The following ADGRV1 variants were observed in gnomAD, a reference collection of about 807,000 sequenced individuals.
ADGRV1 encodes the protein adhesion G protein-coupled receptor V1, also known as G-protein coupled receptor 98.
In ADGRV1, 359 loss-of-function variants were observed where a neutral mutation model predicts 596.2. The observed-to-expected ratio is 0.60, with a 90% CI of 0.55 to 0.66. The LOEUF is 0.66. Ranked by LOEUF, ADGRV1 falls within the 30% of genes least tolerant of loss-of-function variation. The pLI is 0.00. For missense variants in ADGRV1, 7,274 were observed against 7,575.6 expected (o/e 0.96, Z 1.48); for synonymous variants, 2,681 against 2,679.2 (o/e 1.00, Z -0.02).
chr5:90,769,501 A>G (rs971043310), intron 59 of ADGRV1, among the ~76,000 whole-genome samples: 1 of 152,204 alleles, frequency 6.6e-6, no homozygotes, highest in African/African-American at 2.4e-5. Context: ...CTATGCCAAT[A>G]CTTTGAGAGA....
intron 21 of ADGRV1, among the ~76,000 whole-genome samples, chr5:90,668,261 G>C: frequency 6.6e-6 from 1 of 152,132 alleles, no homozygotes. Context: ...CAATCAGCGA[G>C]ACTCCATGGG....
chr5:90,659,812 C>A (rs1403597522), intron 21 of ADGRV1, among the ~76,000 whole-genome samples: 1 of 152,148 alleles, frequency 6.6e-6, no homozygotes. Flanking sequence ...GCGGGCGGAT[C>A]ATGAGGTCAG....
At chr5:90,793,510 A>G (rs1449031462) in intron 70 of ADGRV1, among the ~76,000 whole-genome samples, 1 of 152,222 alleles carries the variant, frequency 6.6e-6, no homozygotes, top group East Asian at 1.9e-4. Flanking sequence ...TGTATAGTAC[A>G]AAATTGCTCT....
chr5:90,879,811 G>A (rs1462977392), intron 83 of ADGRV1, among the ~76,000 whole-genome samples: 1 of 152,022 alleles, frequency 6.6e-6, no homozygotes, highest in African/African-American at 2.4e-5. Flanking sequence ...GCTGGGTATG[G>A]TGGTGCACGC....
intron 89 of ADGRV1, among the ~76,000 whole-genome samples, chr5:91,159,227 T>G (rs1796737904): frequency 6.6e-6 from 1 of 152,172 alleles, no homozygotes; most frequent in African/African-American, 2.4e-5. Context: ...GCTTAAGTAG[T>G]CAGTTTCCAG....
intron 48 of ADGRV1, among the ~76,000 whole-genome samples, chr5:90,727,159 G>C (rs1425691423): frequency 1.3e-5 from 2 of 152,118 alleles, no homozygotes; most frequent in East Asian, 3.9e-4. Context: ...ATGATCACAG[G>C]TCACTATAGC....
At chr5:91,161,304 C>T (rs1224885514) in intron 89 of ADGRV1, among the ~76,000 whole-genome samples, 1 of 152,110 alleles carries the variant, frequency 6.6e-6, no homozygotes, top group Admixed American at 6.5e-5. Context: ...CCTTCGAAGG[C>T]CTGGAAGTAG....
intron 58 of ADGRV1, among the ~76,000 whole-genome samples, chr5:90,762,346 T>C (rs1430388071): frequency 2.0e-5 from 3 of 152,144 alleles, no homozygotes; most frequent in African/African-American, 7.2e-5. Context: ...GAGGCTTAAA[T>C]AAGATAAGGT....
At chr5:91,106,682 A>G (rs188200878) in intron 87 of ADGRV1, among the ~76,000 whole-genome samples, 34 of 152,344 alleles carry the variant, frequency 2.2e-4, no homozygotes, top group South Asian at 8.3e-4. Context: ...AACATCACTT[A>G]GAAATTCCTG....
chr5:90,790,938 C>T lies in ADGRV1; in HGVS notation c.14109C>T (p.Phe4703=). ...TEDFLSTSGF[F]TIADGESEAS... ...ACTTTCTTTCCACCAGTGGATTTTT[C>T]ACCATTGCTGATGGAGAGAGTGAAG... is the stretch of plus-strand genomic sequence containing the variant. Residue 4703 remains phenylalanine, a synonymous_variant, in exon 70 of 90, where the codon TTC becomes TTT. Coordinates refer to ENST00000405460, the MANE Select transcript of ADGRV1 (RefSeq NM_032119.4). 2 of 1,612,364 alleles carry T rather than the reference C, an allele frequency of 1.2e-6. No homozygotes were observed. Among genetic ancestry groups the T allele is most frequent in the South Asian group, 1.1e-5 (1 of 90,972 alleles).
intron 52 of ADGRV1, 84 bp downstream of exon 52, chr5:90,745,879 A>G (rs548175366): frequency 8.8e-6 from 7 of 792,776 alleles, no homozygotes; most frequent in Non-Finnish European, 1.4e-5. Context: ...AGCACTCAGC[A>G]AGTCATAGTT....
At position 90,710,967 on chromosome 5, in the gene ADGRV1, CTA is replaced by C. The variant is rs780453951; in HGVS notation, c.8825-12_8825-11del. On this transcript the variant is annotated splice_polypyrimidine_tract_variant and intron_variant, in intron 39 of 89. Coordinates refer to ENST00000405460, the MANE Select transcript of ADGRV1 (RefSeq NM_032119.4). ...TTTATATGTATTTTAAGATATGCTTCTATGTTTTTTAAGATTCAGAAGGTTTG... is the reference window on the plus strand; with the variant it reads ...TTTATATGTATTTTAAGATATGCTTCTGTTTTTTAAGATTCAGAAGGTTTG... The C allele has an allele frequency of 1.3e-6, 2 of 1,521,304 alleles. No homozygotes were observed. Among genetic ancestry groups the C allele is most frequent in the Non-Finnish European group, 1.8e-6 (2 of 1,100,924 alleles). The allele number at this position is 1,521,304 out of a possible 1,614,324, so 94.2% of individuals were successfully genotyped here. A position where few individuals can be genotyped will look rare whatever the true frequency, so the allele number is the denominator to read the frequency against.
At chr5:90,916,783 C>T (rs1041350969) in intron 83 of ADGRV1, among the ~76,000 whole-genome samples, 8 of 144,972 alleles carry the variant, frequency 5.5e-5, no homozygotes, top group African/African-American at 1.0e-4. Context: ...CAGGCGCCCG[C>T]CACTACGCCC....
chr5:90,616,263 G>T (rs912734388), intron 2 of ADGRV1, among the ~76,000 whole-genome samples: 3 of 151,844 alleles, frequency 2.0e-5, no homozygotes, highest in Non-Finnish European at 4.4e-5. Context: ...TACTCATTTT[G>T]AGCTCTTTCG....
intron 85 of ADGRV1, among the ~76,000 whole-genome samples, chr5:91,011,165 A>G (rs183712465): frequency 6.6e-6 from 1 of 152,078 alleles, no homozygotes; most frequent in Non-Finnish European, 1.5e-5. Context: ...TACTACTTTC[A>G]TAATAAAAAT....
intron 1 of ADGRV1, among the ~76,000 whole-genome samples, chr5:90,594,485 CTTTTTTTT>C (rs569370594): frequency 1.8e-5 from 2 of 108,316 alleles, no homozygotes; most frequent in East Asian, 2.5e-4. Context: ...TCTGGCAGTT[CTTTTTTTT>C]TTTTTTTTTT....
intron 83 of ADGRV1, among the ~76,000 whole-genome samples, chr5:90,935,953 C>T (rs1775648976): frequency 1.3e-5 from 2 of 152,108 alleles, no homozygotes. Flanking sequence ...ATAATCACTG[C>T]ACTACAGCCT....
intron 53 of ADGRV1, among the ~76,000 whole-genome samples, chr5:90,750,976 T>C (rs529890506): frequency 6.6e-5 from 10 of 152,298 alleles, no homozygotes; most frequent in African/African-American, 2.4e-4. Flanking sequence ...ATTACATTGT[T>C]AGAAAGATAA....
intron 43 of ADGRV1, chr5:90,717,479 G>A (rs925833040): frequency 7.9e-6 from 1 of 127,282 alleles, no homozygotes; most frequent in African/African-American, 3.2e-5. Flanking sequence ...CTGTCATCCA[G>A]GCTGGAGTTC....
Sources: allele counts gnomAD v4.1 joint callset (sites outside exome capture counted in the v4.1 genomes callset), GRCh38; gene constraint gnomAD v4.1.1; transcripts MANE v1.5; gene names NCBI Gene and HGNC (gene_info 2026-07-23, HGNC 2026-07-21).